Variants in GTPBP2 observed in about 807,000 individuals in gnomAD.
GTPBP2 encodes GTP-binding protein 2.
A neutral mutation model predicts 63.0 loss-of-function variants in GTPBP2; 32 were observed. The observed-to-expected ratio is 0.51, with a 90% CI of 0.38 to 0.68. The LOEUF is 0.68. GTPBP2 is among the 30% of genes least tolerant of loss of function. The pLI is 0.00. For synonymous variants in GTPBP2, 310 were observed against 322.6 expected, an observed-to-expected ratio of 0.96 and a Z score of 0.42; for missense variants, 492 against 796.9, an observed-to-expected ratio of 0.62 and a Z score of 4.61.
chr6:43,627,583 C>T (rs1357291162), intron 1 of GTPBP2, among the ~76,000 whole-genome samples: 1 of 152,152 alleles, frequency 6.6e-6, no homozygotes, highest in Admixed American at 6.5e-5. Context: ...TTACCTCTTG[C>T]CCCCTAACCT....
chr6:43,625,287 C>T lies in GTPBP2; in HGVS notation c.705+76G>A. On this transcript the variant is annotated intron_variant, in intron 5 of 11. Transcript: ENST00000307126. This position sits in a 1 kb window ranked among gnomAD's most constrained non-coding sequence, Gnocchi z 5.1. The stretch of plus-strand genomic sequence containing the variant: ...ATTTCAAAAAGTCTCCACACTCTAC[C>T]CCCATCCTATGTCCTTCACTACTAC... 1 of 1,378,238 alleles carries T rather than the reference C, an allele frequency of 7.3e-7. No homozygotes were observed. The highest frequency in any genetic ancestry group is 1.0e-6 in the Non-Finnish European group (1 of 967,408). 85.4% of individuals were successfully genotyped at this position (1,378,238 alleles called of 1,614,324 possible).
At chr6:43,629,879 C>T, upstream of GTPBP2, 5 of 1,334,676 alleles carry the variant, frequency 3.7e-6, no homozygotes, top group Non-Finnish European at 5.0e-6. Flanking sequence ...GCTTTATTAC[C>T]AGGCTGGCAC....
At chr6:43,621,880 G>A (rs1444027162) in intron 11 of GTPBP2, 90 bp from the exon 12 acceptor site, 3 of 1,604,540 alleles carry the variant, frequency 1.9e-6, no homozygotes, top group Non-Finnish European at 2.6e-6. Flanking sequence ...AGGCCTATCA[G>A]GCCGCTACCC....
At chr6:43,623,460 C>T in intron 9 of GTPBP2, 1 of 486,040 alleles carries the variant, frequency 2.1e-6, no homozygotes, top group South Asian at 3.0e-5. Flanking sequence ...GAGATGAAGT[C>T]AGTTGAATAC....
intron 11 of GTPBP2, 50 bp from the exon 12 acceptor site, chr6:43,621,840 C>G (rs1395987772): frequency 6.2e-7 from 1 of 1,613,134 alleles, no homozygotes; most frequent in African/African-American, 1.3e-5. Context: ...CTGTCCCATT[C>G]TCTGCCAGCC....
In GTPBP2 at chr6:43,626,519, A is replaced by T. The variant is rs1156838038; in HGVS notation, c.214-109T>A. 1 of 791,098 alleles carries T rather than the reference A, an allele frequency of 1.3e-6. No homozygotes were observed. Among genetic ancestry groups the T allele is most frequent in the Non-Finnish European group, 2.1e-6 (1 of 485,004 alleles). The allele number at this position is 791,098 out of a possible 1,614,324, so 49.0% of individuals were successfully genotyped here. A position where few individuals can be genotyped will look rare whatever the true frequency, so the allele number is the denominator to read the frequency against. On this transcript the variant is annotated intron_variant, in intron 2 of 11. Transcript: ENST00000307126. This position sits in a 1 kb window ranked among gnomAD's most constrained non-coding sequence, Gnocchi z 4.0. The stretch of plus-strand genomic sequence containing the variant: ...ACCAGGACTTTCTCTTTCCACTTAA[A>T]CTCATACCTGATCCCCCTCCAACAG...
Position 43,625,919 on chromosome 6 carries a change from G to A in GTPBP2, c.399-55C>T. 1 of 1,384,544 alleles carries A rather than the reference G, an allele frequency of 7.2e-7. No individual in the cohort carries two copies. Among genetic ancestry groups the A allele is most frequent in the Non-Finnish European group, 1.0e-6 (1 of 971,732 alleles). The allele number at this position is 1,384,544 out of a possible 1,614,324, so 85.8% of individuals were successfully genotyped here. Reference sequence around the variant, plus strand: ...CTCACCTGTCCTTCTCCTATTCCAGGCTCGCTCTGGACCTACAGACTTCCT... The same window carrying A: ...CTCACCTGTCCTTCTCCTATTCCAGACTCGCTCTGGACCTACAGACTTCCT... On this transcript the variant is annotated intron_variant, in intron 3 of 11. Coordinates refer to ENST00000307126, the MANE Select transcript of GTPBP2 (RefSeq NM_019096.5). This position sits in a 1 kb window ranked among gnomAD's most constrained non-coding sequence, Gnocchi z 5.1.
In GTPBP2 at chr6:43,626,542, C is replaced by A. The variant is rs559354275; in HGVS notation, c.214-132G>T. 13 of 674,502 alleles carry A rather than the reference C, an allele frequency of 1.9e-5. No homozygotes were observed. The highest frequency in any genetic ancestry group is 1.9e-4 in the Admixed American group (7 of 37,822). 41.8% of individuals were successfully genotyped at this position (674,502 alleles called of 1,614,324 possible). On this transcript the variant is annotated intron_variant, in intron 2 of 11. Transcript: ENST00000307126. This position sits in a 1 kb window ranked among gnomAD's most constrained non-coding sequence, Gnocchi z 4.0. ...AAACTCATACCTGATCCCCCTCCAA[C>A]AGAACGAGGTACAGAGCCCTTAACC...
At chr6:43,628,823 T>C in intron 1 of GTPBP2, 154 bp downstream of exon 1, 1 of 882,670 alleles carries the variant, frequency 1.1e-6, no homozygotes, top group African/African-American at 1.6e-5. Context: ...CTCCCTGGGG[T>C]CCCGGGACCT....
At position 43,622,529 on chromosome 6, in the gene GTPBP2, T is replaced by A; in HGVS notation, c.1467+104A>T. 3.6e-6 allele frequency: 4 copies of A among 1,107,004 alleles called. No individual in the cohort carries two copies. The highest frequency in any genetic ancestry group is 5.3e-6 in the Non-Finnish European group (4 of 758,436). The allele number at this position is 1,107,004 out of a possible 1,614,324, so 68.6% of individuals were successfully genotyped here. ...AGCTTCTTGGGTCAGAGAGTGTGTT[T>A]CCTCTGAGTTTCTCTGAAGCACCTT... On this transcript the variant is annotated intron_variant, in intron 10 of 11. Transcript: ENST00000307126. This position sits in a 1 kb window ranked among gnomAD's most constrained non-coding sequence, Gnocchi z 5.4.
At position 43,623,639 on chromosome 6, in the gene GTPBP2, G is replaced by A. The variant is rs377198657; in HGVS notation, c.1295+98C>T. 41 of 869,176 alleles carry A rather than the reference G, an allele frequency of 4.7e-5. 1 individual carries two copies. In the African/African-American group the frequency reaches 6.5e-4, roughly 14 times the overall value. 53.8% of individuals were successfully genotyped at this position (869,176 alleles called of 1,614,324 possible). A position where few individuals can be genotyped will look rare whatever the true frequency, so the allele number is the denominator to read the frequency against. On this transcript the variant is annotated intron_variant, in intron 9 of 11. Transcript: ENST00000307126. ...TGCAAATAAGCATGTCCTTTAAATG[G>A]GTTCCGTTCAATTCCAGGGTCTCCT...
intron 9 of GTPBP2, chr6:43,623,146 T>A (rs112153374): frequency 2.5e-4 from 56 of 227,846 alleles, no homozygotes; most frequent in African/African-American, 1.1e-3. Flanking sequence ...ATCCTAGCAC[T>A]TGGGGAGGCT....
In GTPBP2 at chr6:43,627,412, G is replaced by A; in HGVS notation, c.187-464C>T. 2 of 869,132 alleles carry A rather than the reference G, an allele frequency of 2.3e-6. 1 individual carries two copies. Among genetic ancestry groups the A allele is most frequent in the African/African-American group, 3.6e-5 (2 of 55,156 alleles). 53.8% of individuals were successfully genotyped at this position (869,132 alleles called of 1,614,324 possible). On this transcript the variant is annotated intron_variant, in intron 1 of 11. Transcript: ENST00000307126. ...TGTCATCTAGAGTAAGAGGCTGCAAGAGGTTCTGGATCAGAGCCAAAGGGT... is the reference window on the plus strand; with the variant it reads ...TGTCATCTAGAGTAAGAGGCTGCAAAAGGTTCTGGATCAGAGCCAAAGGGT...
Position 43,626,946 on chromosome 6 carries a change from A to G in GTPBP2, c.189T>C (p.Ala63=). 6.2e-7 allele frequency: 1 copy of G among 1,612,894 alleles called. No homozygotes were observed. Among genetic ancestry groups the G allele is most frequent in the Non-Finnish European group, 8.5e-7 (1 of 1,178,900 alleles). ...CTTTATATTCAATGTTTCCATCTTC[A>G]GCCTGAAAAGAAACAGTGAGCAGTT... ...ANNPPYLPPE[A]EDGNIEYKLK... The change falls in exon 2 of 12, where the codon GCT becomes GCC. Residue 63 remains alanine (A), a splice_region_variant and synonymous_variant. Coordinates refer to ENST00000307126, the MANE Select transcript of GTPBP2 (RefSeq NM_019096.5). The surrounding 1 kb of genome is among the most constrained non-coding windows in gnomAD (Gnocchi z 4.0).
chr6:43,623,857 T>C (rs1769053883), intron 8 of GTPBP2, 62 bp from the exon 9 acceptor site: 1 of 1,612,102 alleles, frequency 6.2e-7, no homozygotes, highest in East Asian at 2.2e-5. Context: ...CCAAAATCTC[T>C]AAACAGACTC....
chr6:43,625,244 A>C lies in GTPBP2; in HGVS notation c.705+119T>G. The C allele has an allele frequency of 1.9e-6, 2 of 1,049,438 alleles. No homozygotes were observed. The highest frequency in any genetic ancestry group is 2.1e-4 in the Middle Eastern group (1 of 4,806). The allele number at this position is 1,049,438 out of a possible 1,614,324, so 65.0% of individuals were successfully genotyped here. On this transcript the variant is annotated intron_variant, in intron 5 of 11. Transcript: ENST00000307126. The surrounding 1 kb of genome is among the most constrained non-coding windows in gnomAD (Gnocchi z 5.1). ...GGCAGAGCTTGTTCACAGTCCCCTCAGGGCATTCATCTATACTATTTCAAA... is the reference window on the plus strand; with the variant it reads ...GGCAGAGCTTGTTCACAGTCCCCTCCGGGCATTCATCTATACTATTTCAAA...
upstream of GTPBP2, chr6:43,629,847 C>G: frequency 6.7e-7 from 1 of 1,490,126 alleles, no homozygotes; most frequent in Admixed American, 2.1e-5. Flanking sequence ...GATGATTATG[C>G]TACCTTTACA....
upstream of GTPBP2, chr6:43,629,891 G>A (rs1238441332): frequency 1.6e-6 from 2 of 1,250,234 alleles, no homozygotes; most frequent in African/African-American, 3.0e-5. Flanking sequence ...GGCTGGCACC[G>A]TCCAGGGGCT....
At chr6:43,629,441 T>C, upstream of GTPBP2, 1 of 565,322 alleles carries the variant, frequency 1.8e-6, no homozygotes, top group Non-Finnish European at 3.1e-6. Flanking sequence ...GCGGGAGTCG[T>C]CGGAGGCGTG....
Sources: gnomAD v4.1 joint callset for allele counts (sites outside exome capture counted in the v4.1 genomes callset) on GRCh38, gnomAD v4.1.1 for gene constraint, Gnocchi (gnomAD v3.1) non-coding constraint, MANE v1.5 for transcripts, NCBI Gene and HGNC (gene_info 2026-07-23, HGNC 2026-07-21) for gene names.